The following LRRTM4 variants were observed in gnomAD, a reference collection of about 807,000 sequenced individuals.
LRRTM4 encodes the protein leucine rich repeat transmembrane neuronal 4.
In LRRTM4, 25 loss-of-function variants were observed where a neutral mutation model predicts 47.6. The ratio of observed to expected loss-of-function variants is 0.53; its 90% confidence interval spans 0.38 to 0.73. The LOEUF is 0.73. LRRTM4 is among the 30% of genes least tolerant of loss of function. The pLI is 0.00. For synonymous variants in LRRTM4, 311 were observed against 269.5 expected (o/e 1.15, Z -1.51); for missense variants, 638 against 713.4 (o/e 0.89, Z 1.20).
intron 3 of LRRTM4, among the ~76,000 whole-genome samples, chr2:77,318,613 AT>A (rs1677690533): frequency 6.6e-6 from 1 of 152,204 alleles, no homozygotes; most frequent in Non-Finnish European, 1.5e-5. Context: ...TTGAAATAGG[AT>A]AGTTTATCTA....
chr2:77,051,583 G>A (rs1483413155), intron 3 of LRRTM4, among the ~76,000 whole-genome samples: 1 of 152,170 alleles, frequency 6.6e-6, no homozygotes, highest in Admixed American at 6.5e-5. Flanking sequence ...AGCCATGTGT[G>A]TGAGTGTGCT....
rs569667907 is a variant in LRRTM4 at position 77,301,765 on chromosome 2, T to A, written c.1551+216553A>T. Among the ~76,000 whole-genome samples, 4 of 152,282 alleles carry A rather than the reference T, an allele frequency of 2.6e-5. No homozygotes were observed. The East Asian group carries it at 5.8e-4, about 22-fold the overall frequency. ...TTTTGCTAATAGAGCTGCAAATGAATAGTATCCTATTCTCTTTATATTAAA... is the reference window on the plus strand; with the variant it reads ...TTTTGCTAATAGAGCTGCAAATGAAAAGTATCCTATTCTCTTTATATTAAA... On this transcript the variant is annotated intron_variant, in intron 3 of 3. Transcript: ENST00000409884.
intron 3 of LRRTM4, among the ~76,000 whole-genome samples, chr2:77,513,229 C>G (rs1373946687): frequency 2.0e-5 from 3 of 152,130 alleles, no homozygotes; most frequent in African/African-American, 7.2e-5. Flanking sequence ...CACCTGGGCA[C>G]CCCAGTTTTT....
chr2:77,320,486 T>C (rs1016358411), intron 3 of LRRTM4, among the ~76,000 whole-genome samples: 1 of 152,318 alleles, frequency 6.6e-6, no homozygotes, highest in African/African-American at 2.4e-5. Context: ...ATTATAAAAA[T>C]ACTGCCTAGT....
rs115083145 is a variant in LRRTM4, at chr2:77,489,886, G to T, written c.1551+28432C>A. ...GGTTCAGTCTTGCTAACTTATGAGTGTGAACAGTGAAACATATCTATATGT... is the reference window on the plus strand; with the variant it reads ...GGTTCAGTCTTGCTAACTTATGAGTTTGAACAGTGAAACATATCTATATGT... On this transcript the variant is annotated intron_variant, in intron 3 of 3. Transcript: ENST00000409884. 6.6e-3 allele frequency among the ~76,000 whole-genome samples: 999 copies of T among 152,286 alleles called. 13 individuals are homozygous for T. Among genetic ancestry groups the T allele is most frequent in the African/African-American group, 0.022 (931 of 41,562 alleles).
intron 3 of LRRTM4, among the ~76,000 whole-genome samples, chr2:77,056,181 A>G (rs985968236): frequency 5.4e-4 from 61 of 112,972 alleles, no homozygotes; most frequent in African/African-American, 2.2e-3. Flanking sequence ...CCTAAAACTT[A>G]AAGTATAATA....
chr2:77,265,774 A>G (rs1676034002), intron 3 of LRRTM4, among the ~76,000 whole-genome samples: 1 of 152,192 alleles, frequency 6.6e-6, no homozygotes, highest in Non-Finnish European at 1.5e-5. Context: ...GTTTTACTAT[A>G]TTAAAAAGTT....
chr2:77,407,217 A>G (rs1444234838), intron 3 of LRRTM4, among the ~76,000 whole-genome samples: 1 of 152,156 alleles, frequency 6.6e-6, no homozygotes, highest in Non-Finnish European at 1.5e-5. Context: ...GCTCATTTGA[A>G]AACAATTTGA....
chr2:76,939,017 A>G (rs1371796483), intron 3 of LRRTM4, among the ~76,000 whole-genome samples: 1 of 152,106 alleles, frequency 6.6e-6, no homozygotes, highest in East Asian at 1.9e-4. Context: ...GAGATTATGA[A>G]TAAGTTAGGG....
In LRRTM4 at chr2:77,312,498, T is replaced by C. The variant is rs112337483; in HGVS notation, c.1551+205820A>G. ...TAAAAATCTAAAATTTAAAGACAAA[T>C]ACATTTAATGGATTTTTGTTAATTA... On this transcript the variant is annotated intron_variant, in intron 3 of 3. Transcript: ENST00000409884. 8.5e-3 allele frequency among the ~76,000 whole-genome samples: 1,291 copies of C among 152,308 alleles called. 17 individuals carry two copies. Among genetic ancestry groups the C allele is most frequent in the African/African-American group, 0.03 (1,234 of 41,564 alleles).
intron 3 of LRRTM4, among the ~76,000 whole-genome samples, chr2:76,799,434 T>G (rs1381055831): frequency 0.017 from 2,120 of 128,250 alleles, 78 homozygotes; most frequent in African/African-American, 0.058. Context: ...ATAAATTAGG[T>G]ATTGATGGGA....
intron 3 of LRRTM4, among the ~76,000 whole-genome samples, chr2:76,957,303 T>C (rs1476431310): frequency 2.0e-5 from 3 of 151,626 alleles, no homozygotes; most frequent in Non-Finnish European, 3.0e-5. Context: ...GTTTCAGTCA[T>C]GCAAAATGAA....
intron 3 of LRRTM4, among the ~76,000 whole-genome samples, chr2:76,977,847 G>A (rs1407441795): frequency 1.3e-5 from 2 of 151,990 alleles, no homozygotes; most frequent in South Asian, 2.1e-4. Context: ...AACAAATACG[G>A]ATTAGGGCAT....
intron 3 of LRRTM4, among the ~76,000 whole-genome samples, chr2:77,497,344 T>C (rs1678401712): frequency 6.8e-6 from 1 of 147,518 alleles, no homozygotes; most frequent in Non-Finnish European, 1.5e-5. Context: ...TTACTTTGTG[T>C]TTGATTTGCT....
At chr2:77,211,109 AGAG>A (rs1674281470) in intron 3 of LRRTM4, among the ~76,000 whole-genome samples, 1 of 152,166 alleles carries the variant, frequency 6.6e-6, no homozygotes, top group African/African-American at 2.4e-5. Flanking sequence ...GGAAATAGAT[AGAG>A]AAGTGTTGAA....
intron 3 of LRRTM4, among the ~76,000 whole-genome samples, chr2:76,885,413 A>G (rs995319888): frequency 2.0e-5 from 3 of 151,670 alleles, no homozygotes; most frequent in East Asian, 3.9e-4. Flanking sequence ...AAATATATGC[A>G]GGATTTGAGA....
intron 3 of LRRTM4, among the ~76,000 whole-genome samples, chr2:77,496,343 G>T (rs1032379648): frequency 4.6e-5 from 7 of 151,642 alleles, no homozygotes; most frequent in African/African-American, 7.3e-5. Flanking sequence ...TATTGCACTT[G>T]CTAGAACCAT....
intron 3 of LRRTM4, among the ~76,000 whole-genome samples, chr2:77,152,177 T>A (rs1192788950): frequency 6.6e-6 from 1 of 152,152 alleles, no homozygotes; most frequent in East Asian, 1.9e-4. Context: ...CTGCAAAGGA[T>A]GTGAACTACT....
chr2:76,822,028 A>G (rs1046219427), intron 3 of LRRTM4, among the ~76,000 whole-genome samples: 1 of 151,654 alleles, frequency 6.6e-6, no homozygotes, highest in Non-Finnish European at 1.5e-5. Context: ...TATTGAATCA[A>G]TAAAAATAAA....
Sources: allele counts gnomAD v4.1 joint callset (sites outside exome capture counted in the v4.1 genomes callset), GRCh38; gene constraint gnomAD v4.1.1; transcripts MANE v1.5; gene names NCBI Gene and HGNC (gene_info 2026-07-23, HGNC 2026-07-21).